SLC18A1: variants seen among roughly 807,000 people sequenced by gnomAD.
SLC18A1 encodes the protein solute carrier family 18 member A1.
In SLC18A1, 69 loss-of-function variants were observed where a neutral mutation model predicts 53.7. The ratio of observed to expected loss-of-function variants is 1.28; its 90% CI spans 1.06 to 1.57. The LOEUF (loss-of-function observed/expected upper bound fraction) is 1.57, where lower values mean the gene tolerates loss of function less well. Ranked by LOEUF, SLC18A1 falls within the 40% of genes most tolerant of loss-of-function variation. The pLI is 0.00. For missense variants in SLC18A1, 932 were observed against 668.1 expected (o/e 1.40, Z -4.35); for synonymous variants, 320 against 248.1 (o/e 1.29, Z -2.72).
At chr8:20,180,108 T>TTTTGTG (rs1554541270) in intron 2 of SLC18A1, among the ~76,000 whole-genome samples, 1 of 146,078 alleles carries the variant, frequency 6.8e-6, no homozygotes, top group African/African-American at 2.6e-5. Context: ...AAGATTATAA[T>TTTTGTG]TGTGTGTGTG....
intron 8 of SLC18A1, among the ~76,000 whole-genome samples, chr8:20,166,758 A>G (rs1380651596): frequency 1.3e-5 from 2 of 152,138 alleles, no homozygotes; most frequent in African/African-American, 4.8e-5. Context: ...ACCTAATATG[A>G]CTGTGTTTGG....
intron 10 of SLC18A1, among the ~76,000 whole-genome samples, chr8:20,156,715 G>T (rs750284701): frequency 6.6e-6 from 1 of 152,120 alleles, no homozygotes; most frequent in Non-Finnish European, 1.5e-5. Flanking sequence ...TTACCCAAAA[G>T]GACTTAATCC....
Position 20,145,754 on chromosome 8 carries a change from C to A in SLC18A1, c.*9G>T. ...GAGGCATCATGAATTCAAGGAGCAC[C>A]TTCTGCTGCTACTCCTCATGGTCAG... On this transcript the variant is annotated 3_prime_UTR_variant, in exon 16 of 16. Transcript: ENST00000276373. The A allele has an allele frequency of 6.3e-7, 1 of 1,576,748 alleles. No homozygotes were observed.
In SLC18A1 at chr8:20,150,757, A is replaced by G. The variant is rs752419220; in HGVS notation, c.1016-13T>C. ...AAGAAAGCTAGACCTGTGGAAGGAC[A>G]CAGATCCTTACCTTAGGACATGTCC... On this transcript the variant is annotated splice_polypyrimidine_tract_variant and intron_variant, in intron 10 of 15. Coordinates refer to ENST00000276373, the MANE Select transcript of SLC18A1 (RefSeq NM_003053.4). 3 of 1,610,682 alleles carry G rather than the reference A, an allele frequency of 1.9e-6. No homozygotes were observed. Among genetic ancestry groups the G allele is most frequent in the East Asian group, 2.2e-5 (1 of 44,862 alleles).
intron 10 of SLC18A1, among the ~76,000 whole-genome samples, chr8:20,153,156 T>C (rs1328126108): frequency 1.3e-5 from 2 of 152,078 alleles, no homozygotes; most frequent in Non-Finnish European, 2.9e-5. Context: ...TGTTGGACAA[T>C]GTGAAACCCA....
intron 10 of SLC18A1, among the ~76,000 whole-genome samples, chr8:20,155,383 G>A (rs2071657533): frequency 6.6e-6 from 1 of 152,164 alleles, no homozygotes. Flanking sequence ...CAGCTGGGAG[G>A]CTTTCTGGGA....
At chr8:20,154,175 T>A (rs560438762) in intron 10 of SLC18A1, among the ~76,000 whole-genome samples, 1 of 152,360 alleles carries the variant, frequency 6.6e-6, no homozygotes, top group South Asian at 2.1e-4. Context: ...CAGCCTCAGA[T>A]ATTCCTTTAT....
intron 4 of SLC18A1, among the ~76,000 whole-genome samples, chr8:20,176,127 G>T (rs1376794491): frequency 6.6e-6 from 1 of 152,166 alleles, no homozygotes; most frequent in Non-Finnish European, 1.5e-5. Flanking sequence ...TGGAGATGGG[G>T]CCCAGTGGAA....
intron 10 of SLC18A1, among the ~76,000 whole-genome samples, chr8:20,159,836 C>T (rs1003011401): frequency 6.6e-6 from 1 of 152,088 alleles, no homozygotes; most frequent in African/African-American, 2.4e-5. Context: ...CATCATAACT[C>T]GTGAGTGGCA....
intron 14 of SLC18A1, 84 bp downstream of exon 14, chr8:20,147,519 C>T (rs996254901): frequency 1.1e-5 from 17 of 1,595,990 alleles, no homozygotes; most frequent in South Asian, 3.4e-5. Flanking sequence ...TCTCCAGAAC[C>T]CTAGGAGGAT....
At chr8:20,169,323 G>T (rs59372740) in intron 8 of SLC18A1, among the ~76,000 whole-genome samples, 12,695 of 152,050 alleles carry the variant, frequency 0.083, 1,413 homozygotes, top group East Asian at 0.28. Context: ...ACTGGGCTTT[G>T]CATTAGAGAA....
intron 11 of SLC18A1, 104 bp downstream of exon 11, chr8:20,150,562 T>G: frequency 9.5e-7 from 1 of 1,049,372 alleles, no homozygotes; most frequent in Non-Finnish European, 1.5e-6. Flanking sequence ...GTACTCATCC[T>G]AAACTTTCAA....
chr8:20,171,226 C>T (rs2072107883), intron 7 of SLC18A1, 80 bp from the exon 8 acceptor site: 1 of 1,457,510 alleles, frequency 6.9e-7, no homozygotes, highest in Non-Finnish European at 9.6e-7. Context: ...AGTGCTACCA[C>T]CCTATTATGC....
Position 20,171,551 on chromosome 8 carries a change from G to C in SLC18A1, c.725-57C>G, listed in dbSNP as rs1045621326. The stretch of plus-strand genomic sequence containing the variant: ...GGTGAGGGTGAGTCCTTTGCAGTGA[G>C]AATTATCCATATTTACCCCGTGAGC... On this transcript the variant is annotated intron_variant, in intron 6 of 15. Transcript: ENST00000276373. 3 of 1,359,284 alleles carry C rather than the reference G, an allele frequency of 2.2e-6. No homozygotes were observed. The East Asian group carries it at 6.9e-5, about 31-fold the overall frequency. The allele number at this position is 1,359,284 out of a possible 1,614,324, so 84.2% of individuals were successfully genotyped here. A position where few individuals can be genotyped will look rare whatever the true frequency, so the allele number is the denominator to read the frequency against.
intron 8 of SLC18A1, among the ~76,000 whole-genome samples, chr8:20,167,489 G>A (rs2071997898): frequency 6.6e-6 from 1 of 152,128 alleles, no homozygotes; most frequent in African/African-American, 2.4e-5. Flanking sequence ...AAATCCCGTG[G>A]AGTTGGGCTG....
At position 20,147,635 on chromosome 8, in the gene SLC18A1, G is replaced by A; in HGVS notation, c.1298C>T (p.Ala433Val). 2 of 1,614,122 alleles carry A rather than the reference G, an allele frequency of 1.2e-6. No homozygotes were observed. The highest frequency in any genetic ancestry group is 1.7e-6 in the Non-Finnish European group (2 of 1,180,020). Residue 433 changes from alanine to valine, a missense_variant, in exon 14 of 16, where the codon GCT (alanine) becomes GTT (valine). Coordinates refer to ENST00000276373, the MANE Select transcript of SLC18A1 (RefSeq NM_003053.4). ...AAAGCCCATGCAAAAAGCCACATCA[G>A]CGATGGCGTAGACACTCCCATACAC... The part of the protein sequence containing the change: ...TSVYGSVYAI[A>V]DVAFCMGFAI...
intron 4 of SLC18A1, 44 bp from the exon 5 acceptor site, chr8:20,174,488 C>A (rs2072208431): frequency 7.3e-7 from 1 of 1,364,412 alleles, no homozygotes; most frequent in Non-Finnish European, 1.0e-6. Context: ...AGCAAATTGC[C>A]TTTGCTTCCC....
intron 4 of SLC18A1, among the ~76,000 whole-genome samples, chr8:20,177,155 C>T (rs2128879632): frequency 6.6e-6 from 1 of 152,318 alleles, no homozygotes; most frequent in South Asian, 2.1e-4. Context: ...CTAGAAGTTC[C>T]ATGAACAGTG....
intron 8 of SLC18A1, among the ~76,000 whole-genome samples, chr8:20,170,836 TATAGATAGATAG>T (rs57375699): frequency 2.5e-4 from 38 of 151,432 alleles, no homozygotes; most frequent in African/African-American, 5.3e-4. Context: ...GTGTCGAATA[TATAGATAGATAG>T]ATAGATAGAT....
Sources: allele counts gnomAD v4.1 joint callset (sites outside exome capture counted in the v4.1 genomes callset), GRCh38; gene constraint gnomAD v4.1.1; transcripts MANE v1.5; gene names NCBI Gene and HGNC (gene_info 2026-07-23, HGNC 2026-07-21).